The following COL14A1 variants were observed in gnomAD, a reference collection of about 807,000 sequenced individuals.
COL14A1 encodes the protein collagen alpha-1(XIV) chain.
Under a neutral mutation model 230.3 loss-of-function variants are expected in COL14A1, and 136 were observed. The ratio of observed to expected loss-of-function variants is 0.59; its 90% CI spans 0.51 to 0.68. COL14A1 has a LOEUF of 0.68. Among genes scored for constraint, COL14A1 ranks in the 30% least tolerant of loss-of-function variants. COL14A1 has a pLI of 0.00. For missense variants in COL14A1, 1,976 were observed against 2,215.8 expected (o/e 0.89, Z 2.17); for synonymous variants, 792 against 784.1 (o/e 1.01, Z -0.17).
chr8:120,241,657 G>GA (rs201074179), intron 19 of COL14A1, among the ~76,000 whole-genome samples: 2,392 of 152,214 alleles, frequency 0.016, 70 homozygotes, highest in African/African-American at 0.055. Context: ...CAGAGGCCAA[G>GA]CAAGAGGAAC....
At chr8:120,334,588 AC>A (rs1563743713) in intron 42 of COL14A1, among the ~76,000 whole-genome samples, 2,058 of 131,904 alleles carry the variant, frequency 0.016, 44 homozygotes, top group African/African-American at 0.063. Flanking sequence ...ACACAAAAAC[AC>A]ACACACACAC....
intron 25 of COL14A1, among the ~76,000 whole-genome samples, chr8:120,269,782 G>GT (rs1307540646): frequency 6.6e-6 from 1 of 151,760 alleles, no homozygotes; most frequent in East Asian, 1.9e-4. Flanking sequence ...TTGGTGGACA[G>GT]TTTTTTCTTT....
chr8:120,274,674 A>T (rs1819783701), intron 26 of COL14A1, among the ~76,000 whole-genome samples: 1 of 151,856 alleles, frequency 6.6e-6, no homozygotes, highest in Non-Finnish European at 1.5e-5. Context: ...ACTGCTATAC[A>T]CCAACGATCA....
rs374440636 is a variant in COL14A1 at position 120,157,836 on chromosome 8, A to T, written c.89-294A>T. On this transcript the variant is annotated intron_variant, in intron 2 of 47. Transcript: ENST00000297848. ...CCGTCTCTACTAAAAATTCAAGAAA[A>T]TTAGCCGGGCGTGGTGGCACGTGCC... is the stretch of plus-strand genomic sequence containing the variant. 7.6e-4 allele frequency among the ~76,000 whole-genome samples: 115 copies of T among 151,854 alleles called. 1 individual carries two copies. Among genetic ancestry groups the T allele is most frequent in the African/African-American group, 2.7e-3 (112 of 41,380 alleles).
At chr8:120,350,463 C>T (rs1010826346) in intron 45 of COL14A1, among the ~76,000 whole-genome samples, 4 of 147,162 alleles carry the variant, frequency 2.7e-5, no homozygotes, top group Non-Finnish European at 4.5e-5. Flanking sequence ...AGAGTCAAGA[C>T]CCATCAGTGT....
chr8:120,260,635 G>C (rs1185851624), intron 23 of COL14A1, among the ~76,000 whole-genome samples: 1 of 152,146 alleles, frequency 6.6e-6, no homozygotes, highest in Non-Finnish European at 1.5e-5. Flanking sequence ...TCAATCTAGA[G>C]GGAAATTTGA....
At position 120,281,060 on chromosome 8, in the gene COL14A1, G is replaced by T; in HGVS notation, c.3824+1G>T. ...ATGCCCTGGTTTCCCAGCCAACCAG[G>T]TATGTTTCTGTTGAAAGATTTTAAA... On this transcript the variant is annotated splice_donor_variant, in intron 31 of 47. Transcript: ENST00000297848. LOFTEE classifies it high-confidence loss of function. The T allele has an allele frequency of 6.3e-7, 1 of 1,598,034 alleles. No homozygotes were observed. The highest frequency in any genetic ancestry group is 1.8e-5 in the Admixed American group (1 of 55,186).
Position 120,308,978 on chromosome 8 carries a change from C to T in COL14A1, c.4402-1031C>T, listed in dbSNP as rs111593854. Among the ~76,000 whole-genome samples, 597 of 152,270 alleles carry T rather than the reference C, an allele frequency of 3.9e-3. 3 individuals carry two copies. Among genetic ancestry groups the T allele is most frequent in the African/African-American group, 0.013 (541 of 41,572 alleles). On this transcript the variant is annotated intron_variant, in intron 36 of 47. Transcript: ENST00000297848. ...GTTTTGAGAGGGAGTCTCACTTTGCCGCCCAGGCTGGAGTGCAGTGATCTC... is the reference window on the plus strand; with the variant it reads ...GTTTTGAGAGGGAGTCTCACTTTGCTGCCCAGGCTGGAGTGCAGTGATCTC...
chr8:120,258,366 C>A (rs1816754870), intron 23 of COL14A1, among the ~76,000 whole-genome samples: 4 of 152,282 alleles, frequency 2.6e-5, no homozygotes, highest in Admixed American at 2.6e-4. Context: ...AGTCCAGGAA[C>A]TGAGTCATAT....
chr8:120,251,096 A>G (rs1345098840), intron 22 of COL14A1, among the ~76,000 whole-genome samples: 1 of 152,018 alleles, frequency 6.6e-6, no homozygotes, highest in East Asian at 1.9e-4. Context: ...CTTTGTTTTC[A>G]CTGTAACTTT....
chr8:120,280,347 A>C (rs975787640), intron 29 of COL14A1, among the ~76,000 whole-genome samples: 1 of 152,202 alleles, frequency 6.6e-6, no homozygotes, highest in Non-Finnish European at 1.5e-5. Context: ...AACTGTGCTT[A>C]AACAGATGTA....
chr8:120,297,461 G>C (rs937823744), intron 34 of COL14A1, 50 bp from the exon 35 acceptor site: 1 of 902,546 alleles, frequency 1.1e-6, no homozygotes, highest in Admixed American at 3.7e-5. Flanking sequence ...TCATTATAAA[G>C]ATAATTTATA....
At chr8:120,225,535 C>T (rs988836119) in intron 15 of COL14A1, among the ~76,000 whole-genome samples, 1 of 152,072 alleles carries the variant, frequency 6.6e-6, no homozygotes, top group African/African-American at 2.4e-5. Flanking sequence ...TTCTTCCATT[C>T]AAATGAGTGT....
chr8:120,225,746 C>CTTTTTATA (rs1157586197), intron 15 of COL14A1, among the ~76,000 whole-genome samples: 2 of 151,884 alleles, frequency 1.3e-5, no homozygotes, highest in Non-Finnish European at 2.9e-5. Flanking sequence ...TATATGTACC[C>CTTTTTATA]TGTAGCCACT....
rs775357224 is a variant in COL14A1, at chr8:120,372,929, G to C, written c.*1698G>C. Among the ~76,000 whole-genome samples the C allele has an allele frequency of 6.6e-6, 1 of 152,042 alleles. No homozygotes were observed. The highest frequency in any genetic ancestry group is 1.5e-5 in the Non-Finnish European group (1 of 68,024). ...TCAGCAGCCATTTCCTTTCAGTTAT[G>C]GTATATGATTCTGCCTGAGAAAGCA... On this transcript the variant is annotated 3_prime_UTR_variant, in exon 48 of 48. Coordinates refer to ENST00000297848, the MANE Select transcript of COL14A1 (RefSeq NM_021110.4).
rs960045276 is a variant in COL14A1, at chr8:120,370,426, C to A, written c.5312-726C>A. ...CAGACATTTAGCTGTGGATACAGAA[C>A]TGTCCTGTCAACCACCACCACCACC... On this transcript the variant is annotated intron_variant, in intron 47 of 47. Coordinates refer to ENST00000297848, the MANE Select transcript of COL14A1 (RefSeq NM_021110.4). 1.9e-6 allele frequency: 3 copies of A among 1,597,050 alleles called. No individual in the cohort carries two copies. In the South Asian group the frequency reaches 3.4e-5, roughly 18 times the overall value.
At chr8:120,305,292 A>G (rs1277632195) in intron 36 of COL14A1, among the ~76,000 whole-genome samples, 2 of 152,156 alleles carry the variant, frequency 1.3e-5, no homozygotes, top group African/African-American at 2.4e-5. Flanking sequence ...AAACTCTTTT[A>G]AAAACATTTC....
At chr8:120,329,154 A>C (rs1427855214) in intron 40 of COL14A1, among the ~76,000 whole-genome samples, 3 of 152,242 alleles carry the variant, frequency 2.0e-5, no homozygotes, top group African/African-American at 7.2e-5. Flanking sequence ...ATTTTAAAAA[A>C]TGAGTTAGGT....
At chr8:120,165,939 A>T (rs1402640319) in intron 4 of COL14A1, among the ~76,000 whole-genome samples, 1 of 151,962 alleles carries the variant, frequency 6.6e-6, no homozygotes, top group Admixed American at 6.6e-5. Context: ...CTCTGAGGAG[A>T]GTTTTAATTG....
Sources: gnomAD v4.1 joint callset for allele counts (sites outside exome capture counted in the v4.1 genomes callset) on GRCh38, gnomAD v4.1.1 for gene constraint, MANE v1.5 for transcripts, NCBI Gene and HGNC (gene_info 2026-07-23, HGNC 2026-07-21) for gene names.